The following SLC8A2 variants were observed in gnomAD, a reference collection of about 807,000 sequenced individuals.
SLC8A2 encodes solute carrier family 8 member A2.
SLC8A2 carries 14 observed loss-of-function variants against 70.2 expected under a neutral mutation model. The ratio of observed to expected loss-of-function variants is 0.20; its 90% confidence interval spans 0.13 to 0.31. SLC8A2 has a LOEUF of 0.31. Ranked by LOEUF, SLC8A2 falls within the 10% of genes least tolerant of loss-of-function variation. SLC8A2 has a pLI of 1.00. For synonymous variants in SLC8A2, 575 were observed against 594.3 expected, an observed-to-expected ratio of 0.97 and a Z score of 0.47; for missense variants, 779 against 1,320.1, an observed-to-expected ratio of 0.59 and a Z score of 6.35.
In SLC8A2 at chr19:47,432,610, T is replaced by G; in HGVS notation, c.2111-165A>C. The G allele has an allele frequency of 1.6e-6, 1 of 606,666 alleles. No individual in the cohort carries two copies. The highest frequency in any genetic ancestry group is 2.7e-6 in the Non-Finnish European group (1 of 366,878). The allele number at this position is 606,666 out of a possible 1,614,324, so 37.6% of individuals were successfully genotyped here. Reference sequence around the variant, plus strand: ...AAGTCAACTGCTAAAAACAGTTACTTTCCCAGAATCCCTTGAAGCTAGGAG... The same window carrying G: ...AAGTCAACTGCTAAAAACAGTTACTGTCCCAGAATCCCTTGAAGCTAGGAG... On this transcript the variant is annotated intron_variant, in intron 8 of 9. Transcript: ENST00000236877. This position sits in a 1 kb window ranked among gnomAD's most constrained non-coding sequence, Gnocchi z 6.2.
chr19:47,457,701 AC>A (rs1967326141), intron 2 of SLC8A2, 107 bp from the exon 3 acceptor site: 2 of 593,862 alleles, frequency 3.4e-6, no homozygotes, highest in Non-Finnish European at 5.4e-6. Flanking sequence ...TCTCTCCCCA[AC>A]CCCCAACCCC....
rs202034289 is a variant in SLC8A2, at chr19:47,448,059, G to T, written c.1513C>A (p.Arg505=). The T allele has an allele frequency of 3.0e-5, 47 of 1,581,540 alleles. No homozygotes were observed. In the African/African-American group the frequency reaches 5.5e-4, roughly 19 times the overall value. The stretch of plus-strand genomic sequence containing the variant: ...GTGGCCAGCAGCGGCGCCACCAGCC[G>T]CCCCTTGGGCCGCCCGCCGCCGTCC... ...EPDGGGRPKG[R]LVAPLLATVT... is the part of the protein sequence containing the mutation. The change falls in exon 4 of 10, where the codon CGG becomes AGG. Residue 505 remains arginine, a synonymous_variant. Transcript: ENST00000236877. The surrounding 1 kb of genome is among the most constrained non-coding windows in gnomAD (Gnocchi z 4.8).
rs376607331 is a variant in SLC8A2 at position 47,437,532 on chromosome 19, C to T, written c.2040G>A (p.Thr680=). The T allele has an allele frequency of 3.3e-5, 54 of 1,613,814 alleles. No individual in the cohort carries two copies. The highest frequency in any genetic ancestry group is 4.1e-5 in the Non-Finnish European group (48 of 1,179,910). Residue 680 remains threonine, a synonymous_variant, in exon 8 of 10, where the codon ACG becomes ACA. Coordinates refer to ENST00000236877, the MANE Select transcript of SLC8A2 (RefSeq NM_015063.3). The stretch of plus-strand genomic sequence containing the variant: ...GGGTCCCAATTACCAAGGCCAAGTT[C>T]GTTTTCTTGATGAGTTTATCCACCG... ...KNTVDKLIKK[T]NLALVIGTHS...
intron 6 of SLC8A2, among the ~76,000 whole-genome samples, chr19:47,440,140 G>A (rs780820720): frequency 6.6e-6 from 1 of 152,036 alleles, no homozygotes; most frequent in Non-Finnish European, 1.5e-5. Flanking sequence ...ACTGACCTTA[G>A]CCCTAACTCT....
In SLC8A2 at chr19:47,429,994, G is replaced by C. The variant is rs1375542262; in HGVS notation, c.*95C>G. 5.3e-6 allele frequency: 7 copies of C among 1,321,108 alleles called. No individual in the cohort carries two copies. The highest frequency in any genetic ancestry group is 1.5e-5 in the African/African-American group (1 of 67,184). 81.8% of individuals were successfully genotyped at this position (1,321,108 alleles called of 1,614,324 possible). Reference sequence around the variant, plus strand: ...AGGCCGAGTCCCAGGAGAGGAGGCCGAGTCTGGGGGGAAAAGGAGACCAGG... The same window carrying C: ...AGGCCGAGTCCCAGGAGAGGAGGCCCAGTCTGGGGGGAAAAGGAGACCAGG... On this transcript the variant is annotated 3_prime_UTR_variant, in exon 10 of 10. Transcript: ENST00000236877.
chr19:47,466,285 G>C lies in SLC8A2; in HGVS notation c.119C>G (p.Thr40Arg). 1 of 1,543,178 alleles carries C rather than the reference G, an allele frequency of 6.5e-7. No individual in the cohort carries two copies. The highest frequency in any genetic ancestry group is 8.8e-7 in the Non-Finnish European group (1 of 1,142,076). Reference protein sequence around the residue: ...PPPANDSDTSTGGCQGSYRCQ... With the variant: ...PPPANDSDTSRGGCQGSYRCQ... Reference sequence around the variant, plus strand: ...GCGGTAGGACCCCTGGCAGCCCCCTGTGCTGGTGTCGCTGTCATTGGCCGG... The same window carrying C: ...GCGGTAGGACCCCTGGCAGCCCCCTCTGCTGGTGTCGCTGTCATTGGCCGG... Residue 40 changes from threonine to arginine, a missense_variant, in exon 2 of 10, where the codon ACA (threonine) becomes AGA (arginine). Transcript: ENST00000236877. This position sits in a 1 kb window ranked among gnomAD's most constrained non-coding sequence, Gnocchi z 6.9.
intron 9 of SLC8A2, among the ~76,000 whole-genome samples, chr19:47,431,565 C>T (rs2122609768): frequency 6.8e-6 from 1 of 147,136 alleles, no homozygotes; most frequent in East Asian, 2.1e-4. Flanking sequence ...AGAAGAATCG[C>T]TTGAACCTGG....
At chr19:47,435,623 A>G (rs1967018932) in intron 8 of SLC8A2, among the ~76,000 whole-genome samples, 1 of 146,760 alleles carries the variant, frequency 6.8e-6, no homozygotes, top group Admixed American at 7.0e-5. Flanking sequence ...ATCTCGGCTC[A>G]CCGCAACCTC....
In SLC8A2 at chr19:47,448,604, G is replaced by A. The variant is rs535476337; in HGVS notation, c.1341-373C>T. ...ACATGCAAAGTCCAAGAGTTGAGAG[G>A]GAGCCTGGGGTGTTCTACATCCCTG... On this transcript the variant is annotated intron_variant, in intron 3 of 9. Transcript: ENST00000236877. The surrounding 1 kb of genome is among the most constrained non-coding windows in gnomAD (Gnocchi z 4.8). Among the ~76,000 whole-genome samples, 113 of 152,246 alleles carry A rather than the reference G, an allele frequency of 7.4e-4. 1 individual carries two copies. Among genetic ancestry groups the A allele is most frequent in the African/African-American group, 2.5e-3 (105 of 41,528 alleles).
rs1234759246 is a variant in SLC8A2, at chr19:47,457,509, T to C, written c.761A>G (p.Lys254Arg). The C allele has an allele frequency of 6.2e-7, 1 of 1,605,566 alleles. No individual in the cohort carries two copies. Among genetic ancestry groups the C allele is most frequent in the Non-Finnish European group, 8.5e-7 (1 of 1,177,242 alleles). Residue 254 changes from lysine (K) to arginine (R), a missense_variant, in exon 3 of 10, where the codon AAG (lysine) becomes AGG (arginine). By Grantham distance (26) the Lys-to-Arg change is conservative. This residue lies in a region of SLC8A2 where 155 missense variants were observed against 318.6 expected (regional missense o/e 0.49). Transcript: ENST00000236877. ...GGTGCGGTAGCGCTTGTACACGTACTTGTAGAAGAGCAGCCGCTTGTCGGC... is the reference window on the plus strand; with the variant it reads ...GGTGCGGTAGCGCTTGTACACGTACCTGTAGAAGAGCAGCCGCTTGTCGGC... ...WMADKRLLFY[K>R]YVYKRYRTDP...
chr19:47,446,591 C>T (rs1157935062), intron 4 of SLC8A2, among the ~76,000 whole-genome samples: 1 of 152,148 alleles, frequency 6.6e-6, no homozygotes, highest in African/African-American at 2.4e-5. Flanking sequence ...CCATGCCCAG[C>T]TAATTTTAAA....
chr19:47,463,267 G>A (rs1967418877), intron 2 of SLC8A2, among the ~76,000 whole-genome samples: 1 of 145,208 alleles, frequency 6.9e-6, no homozygotes, highest in African/African-American at 2.5e-5. Flanking sequence ...CGAGTAGCTG[G>A]GACTACAGGC....
rs1356010889 is a variant in SLC8A2, at chr19:47,430,275, C to G, written c.2580G>C (p.Thr860=). Residue 860 remains threonine (T), a synonymous_variant, in exon 10 of 10, where the codon ACG becomes ACC. Coordinates refer to ENST00000236877, the MANE Select transcript of SLC8A2 (RefSeq NM_015063.3). This position sits in a 1 kb window ranked among gnomAD's most constrained non-coding sequence, Gnocchi z 5.9. ...CCACGAAGGCGAAGACGGTGAAGAG[C>G]GTGACGGAGAAGGCCAGCGTGCCAG... ...VRTGTLAFSV[T]LFTVFAFVGI... 4 of 1,612,602 alleles carry G rather than the reference C, an allele frequency of 2.5e-6. No individual in the cohort carries two copies. The highest frequency in any genetic ancestry group is 3.4e-6 in the Non-Finnish European group (4 of 1,179,332).
chr19:47,460,308 T>C (rs948212185), intron 2 of SLC8A2, among the ~76,000 whole-genome samples: 6 of 152,202 alleles, frequency 3.9e-5, no homozygotes, highest in Non-Finnish European at 5.9e-5. Context: ...TCTTGGTCTA[T>C]ACAATGGGGA....
chr19:47,467,905 C>G (rs1967484832), intron 1 of SLC8A2, among the ~76,000 whole-genome samples: 1 of 149,946 alleles, frequency 6.7e-6, no homozygotes, highest in South Asian at 2.1e-4. Context: ...ACTTGGGAGG[C>G]TGAAGCATGA....
rs904267555 is a variant in SLC8A2 at position 47,448,261 on chromosome 19, G to A, written c.1341-30C>T. On this transcript the variant is annotated intron_variant, in intron 3 of 9. Transcript: ENST00000236877. This position sits in a 1 kb window ranked among gnomAD's most constrained non-coding sequence, Gnocchi z 4.8. ...GGCGGGGTGGGGAGGGGGAAGAGCGGGGTGAGGGTCGGTCATCGGCTGTGT... is the reference window on the plus strand; with the variant it reads ...GGCGGGGTGGGGAGGGGGAAGAGCGAGGTGAGGGTCGGTCATCGGCTGTGT... 6.4e-7 allele frequency: 1 copy of A among 1,555,300 alleles called. No homozygotes were observed. Among genetic ancestry groups the A allele is most frequent in the African/African-American group, 1.4e-5 (1 of 73,898 alleles).
rs567790843 is a variant in SLC8A2, at chr19:47,439,941, G to C, written c.1885+1228C>G. Among the ~76,000 whole-genome samples, 12 of 152,322 alleles carry C rather than the reference G, an allele frequency of 7.9e-5. No individual in the cohort carries two copies. In the South Asian group the frequency reaches 2.3e-3, roughly 29 times the overall value. On this transcript the variant is annotated intron_variant, in intron 6 of 9. Transcript: ENST00000236877. ...GGCCTCTCAAAGTGCTGGGATTACA[G>C]ACATGAGGCATTGTGCCCAGTAAAG...
At chr19:47,471,116 G>A (rs1042296501) in intron 1 of SLC8A2, among the ~76,000 whole-genome samples, 3 of 151,556 alleles carry the variant, frequency 2.0e-5, no homozygotes, top group Non-Finnish European at 4.4e-5. Flanking sequence ...TGGAGACGAG[G>A]GGGAGATGGG....
chr19:47,470,988 C>T (rs974616370), intron 1 of SLC8A2, among the ~76,000 whole-genome samples: 6 of 151,924 alleles, frequency 3.9e-5, no homozygotes, highest in African/African-American at 1.4e-4. Context: ...TCCTCCAGGT[C>T]CCCCCTGCCA....
Sources: gnomAD v4.1 joint callset for allele counts (sites outside exome capture counted in the v4.1 genomes callset) on GRCh38, gnomAD v4.1.1 for gene constraint, gnomAD v4.1.1 regional missense constraint, Gnocchi (gnomAD v3.1) non-coding constraint, MANE v1.5 for transcripts, NCBI Gene and HGNC (gene_info 2026-07-23, HGNC 2026-07-21) for gene names.